Variants in MEST observed in about 807,000 individuals in gnomAD.
MEST encodes mesoderm-specific transcript homolog protein.
Under a neutral mutation model 50.9 loss-of-function variants are expected in MEST, and 18 were observed. The observed-to-expected ratio is 0.35, with a 90% confidence interval of 0.24 to 0.52. The LOEUF (loss-of-function observed/expected upper bound fraction) is 0.52, where lower values mean the gene tolerates loss of function less well. MEST is among the 20% of genes least tolerant of loss of function. MEST has a pLI of 0.94. For missense variants in MEST, 282 were observed against 425.3 expected, an observed-to-expected ratio of 0.66 and a Z score of 2.96; for synonymous variants, 130 against 154.1, an observed-to-expected ratio of 0.84 and a Z score of 1.16.
chr7:130,491,845 G>A (rs1410507891), upstream of MEST, among the ~76,000 whole-genome samples: 1 of 152,146 alleles, frequency 6.6e-6, no homozygotes, highest in Admixed American at 6.5e-5. This position sits in a 1 kb window ranked among gnomAD's most constrained non-coding sequence, Gnocchi z 6.8. Flanking sequence ...CGGGCTCAGG[G>A]TTGGCGGTTA....
rs1799475771 is a variant in MEST, at chr7:130,506,256, G to A, written c.*1200G>A. 1.3e-5 allele frequency: 2 copies of A among 152,006 alleles called. No individual in the cohort carries two copies. The highest frequency in any genetic ancestry group is 4.8e-5 in the African/African-American group (2 of 41,324). 9.4% of individuals were successfully genotyped at this position (152,006 alleles called of 1,614,324 possible). ...TAACAACTTTGAAACTGGAATAAGT[G>A]TTTATTTTCTATTAATAAAAATGAA... is the stretch of plus-strand genomic sequence containing the variant. On this transcript the variant is annotated 3_prime_UTR_variant, in exon 12 of 12. Coordinates refer to ENST00000223215, the MANE Select transcript of MEST (RefSeq NM_002402.4).
In MEST at chr7:130,497,141, T is replaced by C. The variant is rs1554437184; in HGVS notation, c.182-15T>C. ...AGGGATTTGGCATAATTGATTGTAC[T>C]TTCCTTCTTCCTAGACTCTGTGGGT... On this transcript the variant is annotated splice_polypyrimidine_tract_variant and intron_variant, in intron 2 of 11. Transcript: ENST00000223215. The surrounding 1 kb of genome is among the most constrained non-coding windows in gnomAD (Gnocchi z 4.0). 6.2e-7 allele frequency: 1 copy of C among 1,605,298 alleles called. No individual in the cohort carries two copies. The highest frequency in any genetic ancestry group is 2.3e-5 in the East Asian group (1 of 44,414).
At position 130,505,411 on chromosome 7, in the gene MEST, A is replaced by T. The variant is rs1217522194; in HGVS notation, c.*355A>T. On this transcript the variant is annotated 3_prime_UTR_variant, in exon 12 of 12. Coordinates refer to ENST00000223215, the MANE Select transcript of MEST (RefSeq NM_002402.4). ...CTTTGGACTTCTCTGAAATATTTAG[A>T]AGTGCTAATTTCTGGCCCACCCCCA... 6.1e-6 allele frequency: 1 copy of T among 165,234 alleles called. No homozygotes were observed. Among genetic ancestry groups the T allele is most frequent in the African/African-American group, 2.4e-5 (1 of 41,908 alleles). 10.2% of individuals were successfully genotyped at this position (165,234 alleles called of 1,614,324 possible). A position where few individuals can be genotyped will look rare whatever the true frequency, so the allele number is the denominator to read the frequency against.
intron 9 of MEST, 59 bp from the exon 10 acceptor site, chr7:130,502,585 G>T: frequency 7.6e-7 from 1 of 1,319,054 alleles, no homozygotes; most frequent in Admixed American, 1.8e-5. Context: ...TTATGCCCTT[G>T]AATCCCTGTA....
chr7:130,499,939 TTA>T (rs1554438136), intron 7 of MEST, 24 bp downstream of exon 7: 2 of 1,602,864 alleles, frequency 1.2e-6, no homozygotes, highest in South Asian at 2.2e-5. Flanking sequence ...TGATAGACCT[TTA>T]GTTTTAGGAT....
Position 130,503,929 on chromosome 7 carries a change from C to G in MEST, c.827-4C>G, listed in dbSNP as rs782281016. The G allele has an allele frequency of 5.6e-6, 9 of 1,610,648 alleles. No individual in the cohort carries two copies. In the South Asian group the frequency reaches 8.8e-5, roughly 16 times the overall value. On this transcript the variant is annotated splice_polypyrimidine_tract_variant and splice_region_variant and intron_variant, in intron 10 of 11. Coordinates refer to ENST00000223215, the MANE Select transcript of MEST (RefSeq NM_002402.4). The stretch of plus-strand genomic sequence containing the variant: ...AAGTATTTCATTCCTTTTCTCTTTT[C>G]TAGTTCATTTTATCTATGGGCCATT...
At chr7:130,490,419 T>C (rs781966267), upstream of MEST, among the ~76,000 whole-genome samples, 3 of 152,206 alleles carry the variant, frequency 2.0e-5, no homozygotes, top group East Asian at 5.8e-4. Context: ...CTCTGGTAAA[T>C]GTCTATTCAT....
At chr7:130,488,489 G>A (rs1486820356), upstream of MEST, 1 of 152,234 alleles carries the variant, frequency 6.6e-6, no homozygotes, top group Non-Finnish European at 1.5e-5. Context: ...TTCAAACAGG[G>A]AGGCAGTGTG....
chr7:130,498,409 TCC>T lies in MEST; in HGVS notation c.477-8_477-7del. Reference sequence around the variant, plus strand: ...TCAGCTACATGTGTGTTTCCTCGTCTCCCTTCTAGGTACAAGCAGAATCGATC... The same window carrying T: ...TCAGCTACATGTGTGTTTCCTCGTCTCTTCTAGGTACAAGCAGAATCGATC... On this transcript the variant is annotated splice_polypyrimidine_tract_variant and splice_region_variant and intron_variant, in intron 5 of 11. Coordinates refer to ENST00000223215, the MANE Select transcript of MEST (RefSeq NM_002402.4). 1.2e-6 allele frequency: 2 copies of T among 1,614,086 alleles called. No individual in the cohort carries two copies. Among genetic ancestry groups the T allele is most frequent in the Non-Finnish European group, 1.7e-6 (2 of 1,180,018 alleles).
At chr7:130,504,307 T>G (rs182550570) in intron 11 of MEST, among the ~76,000 whole-genome samples, 6 of 152,312 alleles carry the variant, frequency 3.9e-5, no homozygotes, top group East Asian at 1.9e-4. Context: ...TACAAAGTGT[T>G]TGTTTGTTTT....
chr7:130,500,848 G>A lies in MEST; in HGVS notation c.707G>A (p.Trp236Ter). The change falls in exon 9 of 12, where the codon TGG (tryptophan) becomes TAG (stop). Residue 236 changes from tryptophan (W) to a stop codon, truncating the protein, a stop_gained. Transcript: ENST00000223215. LOFTEE classifies it high-confidence loss of function. The surrounding 1 kb of genome is among the most constrained non-coding windows in gnomAD (Gnocchi z 5.0). ...TCTGAGAGTGAGCTGTGGGACATGT[G>A]GGCAGGGATCCGCAACAATGACGGG... ...RPSESELWDMWAGIRNNDGNL... is the reference protein window; with the variant it reads ...RPSESELWDM 1 of 1,614,004 alleles carries A rather than the reference G, an allele frequency of 6.2e-7. No homozygotes were observed.
At position 130,497,662 on chromosome 7, in the gene MEST, G is replaced by T. The variant is rs1469838670; in HGVS notation, c.262-274G>T. 8.8e-6 allele frequency: 4 copies of T among 455,784 alleles called. No homozygotes were observed. The highest frequency in any genetic ancestry group is 2.0e-5 in the African/African-American group (1 of 51,108). The allele number at this position is 455,784 out of a possible 1,614,324, so 28.2% of individuals were successfully genotyped here. A position where few individuals can be genotyped will look rare whatever the true frequency, so the allele number is the denominator to read the frequency against. ...AATTGCTTTTAAAAAAACATTAAAT[G>T]TTGAACTGTTCCTTATTTACTGAAG... is the stretch of plus-strand genomic sequence containing the variant. On this transcript the variant is annotated intron_variant, in intron 3 of 11. Transcript: ENST00000223215. The surrounding 1 kb of genome is among the most constrained non-coding windows in gnomAD (Gnocchi z 4.0).
chr7:130,503,913 A>T lies in MEST; in HGVS notation c.827-20A>T. On this transcript the variant is annotated intron_variant, in intron 10 of 11. Transcript: ENST00000223215. ...AGATGTGAGAGCTGTTAAGTATTTC[A>T]TTCCTTTTCTCTTTTCTAGTTCATT... 1 of 1,592,276 alleles carries T rather than the reference A, an allele frequency of 6.3e-7. No individual in the cohort carries two copies. The highest frequency in any genetic ancestry group is 8.6e-7 in the Non-Finnish European group (1 of 1,160,838).
In MEST at chr7:130,503,177, CTTAT is replaced by C. The variant is rs1333634783; in HGVS notation, c.826+460_826+463del. Reference sequence around the variant, plus strand: ...ATCAAGAGGCTATAGGTGGTTTGTGCTTATTTGTCTTTTCATTCTTACAGATTTA... The same window carrying C: ...ATCAAGAGGCTATAGGTGGTTTGTGCTTGTCTTTTCATTCTTACAGATTTA... On this transcript the variant is annotated intron_variant, in intron 10 of 11. Coordinates refer to ENST00000223215, the MANE Select transcript of MEST (RefSeq NM_002402.4). Among the ~76,000 whole-genome samples the C allele has an allele frequency of 3.3e-5, 5 of 152,110 alleles. 1 individual carries two copies. The South Asian group carries it at 6.2e-4, about 19-fold the overall frequency.
Position 130,498,031 on chromosome 7 carries a change from G to A in MEST, c.339+18G>A. The A allele has an allele frequency of 6.2e-7, 1 of 1,614,164 alleles. No homozygotes were observed. Among genetic ancestry groups the A allele is most frequent in the Non-Finnish European group, 8.5e-7 (1 of 1,179,988 alleles). On this transcript the variant is annotated intron_variant, in intron 4 of 11. Transcript: ENST00000223215. Reference sequence around the variant, plus strand: ...ACAAACCGGTAAGCAGCACCTATGTGGGGCTGGTGATGGGGTGTGGGGGCA... The same window carrying A: ...ACAAACCGGTAAGCAGCACCTATGTAGGGCTGGTGATGGGGTGTGGGGGCA...
intron 1 of MEST, among the ~76,000 whole-genome samples, chr7:130,493,024 T>G (rs1798891420): frequency 6.6e-6 from 1 of 152,084 alleles, no homozygotes. Context: ...AACGGGATAA[T>G]CGCAGTGCCG....
chr7:130,498,396 G>A (rs1425242499), intron 5 of MEST, 23 bp from the exon 6 acceptor site: 4 of 1,613,984 alleles, frequency 2.5e-6, no homozygotes, highest in South Asian at 2.2e-5. Context: ...AGCTACATGT[G>A]TGTTTCCTCG....
chr7:130,496,185 C>G, intron 2 of MEST: 1 of 461,924 alleles, frequency 2.2e-6, no homozygotes, highest in Non-Finnish European at 4.4e-6. Flanking sequence ...CTCCTGACCT[C>G]CTCTCATTTG....
In MEST at chr7:130,506,431, C is replaced by G. The variant is rs1799483973; in HGVS notation, c.*1375C>G. 1 of 203,768 alleles carries G rather than the reference C, an allele frequency of 4.9e-6. No individual in the cohort carries two copies. Among genetic ancestry groups the G allele is most frequent in the Non-Finnish European group, 9.4e-6 (1 of 106,292 alleles). 12.6% of individuals were successfully genotyped at this position (203,768 alleles called of 1,614,324 possible). ...GGAGTATAGGATAGTATTTGATTTT[C>G]AAGATCACCCAAAGCTGCACTATCG... On this transcript the variant is annotated 3_prime_UTR_variant, in exon 12 of 12. Coordinates refer to ENST00000223215, the MANE Select transcript of MEST (RefSeq NM_002402.4).
Sources: allele counts gnomAD v4.1 joint callset (sites outside exome capture counted in the v4.1 genomes callset), GRCh38; gene constraint gnomAD v4.1.1; non-coding constraint Gnocchi (gnomAD v3.1); transcripts MANE v1.5; gene names NCBI Gene and HGNC (gene_info 2026-07-23, HGNC 2026-07-21).